The following HS3ST2 variants were observed in gnomAD, a reference collection of about 807,000 sequenced individuals.
HS3ST2 encodes heparan sulfate glucosamine 3-O-sulfotransferase 2.
Under a neutral mutation model 26.3 loss-of-function variants are expected in HS3ST2, and 17 were observed. The ratio of observed to expected loss-of-function variants is 0.65; its 90% CI spans 0.44 to 0.97. The LOEUF (loss-of-function observed/expected upper bound fraction) is 0.97. Among genes scored for constraint, HS3ST2 ranks in the 50% least tolerant of loss-of-function variants. HS3ST2 has a pLI of 0.00. For missense variants in HS3ST2, 402 were observed against 501.2 expected, an observed-to-expected ratio of 0.80 and a Z score of 1.89; for synonymous variants, 237 against 219.2, an observed-to-expected ratio of 1.08 and a Z score of -0.72.
chr16:22,886,679 C>G (rs150614571), intron 1 of HS3ST2, among the ~76,000 whole-genome samples: 19 of 152,226 alleles, frequency 1.2e-4, no homozygotes, highest in African/African-American at 4.1e-4. Context: ...ATTCAAGAAC[C>G]CCAAAAGGGA....
intron 1 of HS3ST2, among the ~76,000 whole-genome samples, chr16:22,819,536 G>A (rs1249042596): frequency 6.6e-6 from 1 of 152,144 alleles, no homozygotes; most frequent in Non-Finnish European, 1.5e-5. Flanking sequence ...GGTATGGCAG[G>A]GGAATGTGTG....
intron 1 of HS3ST2, among the ~76,000 whole-genome samples, chr16:22,884,165 C>T (rs761740984): frequency 2.0e-5 from 3 of 152,232 alleles, no homozygotes; most frequent in African/African-American, 7.2e-5. Context: ...CTGATACCTA[C>T]AGGGTGCTTG....
intron 1 of HS3ST2, among the ~76,000 whole-genome samples, chr16:22,841,205 G>A (rs983990793): frequency 1.3e-5 from 2 of 152,036 alleles, no homozygotes; most frequent in African/African-American, 4.8e-5. Flanking sequence ...GGGATTACAG[G>A]CACCCACCAG....
rs572536505 is a variant in HS3ST2, at chr16:22,851,455, C to T, written c.485+36360C>T. On this transcript the variant is annotated intron_variant, in intron 1 of 1. Coordinates refer to ENST00000261374, the MANE Select transcript of HS3ST2 (RefSeq NM_006043.2). The stretch of plus-strand genomic sequence containing the variant: ...ATAATTGGCAAAACTAGAATTAGAA[C>T]TTAGTCTTCTGATTCTAAGTTGATG... 2.6e-5 allele frequency among the ~76,000 whole-genome samples: 4 copies of T among 152,320 alleles called. No individual in the cohort carries two copies. In the South Asian group the frequency reaches 8.3e-4, roughly 32 times the overall value.
intron 1 of HS3ST2, among the ~76,000 whole-genome samples, chr16:22,891,065 G>GT (rs1316621394): frequency 6.6e-6 from 1 of 152,206 alleles, no homozygotes; most frequent in Non-Finnish European, 1.5e-5. Context: ...ATGTGCTATG[G>GT]TGAAATGCAT....
chr16:22,839,819 A>G (rs574604701), intron 1 of HS3ST2, among the ~76,000 whole-genome samples: 4 of 152,310 alleles, frequency 2.6e-5, no homozygotes, highest in Non-Finnish European at 5.9e-5. Context: ...AAATACATAT[A>G]TGCAACATTT....
intron 1 of HS3ST2, among the ~76,000 whole-genome samples, chr16:22,849,546 G>A (rs1288070419): frequency 1.3e-5 from 2 of 152,180 alleles, no homozygotes; most frequent in Non-Finnish European, 2.9e-5. Context: ...TGTGTTTCTT[G>A]CTCATGCTAC....
chr16:22,849,179 T>G (rs1437246509), intron 1 of HS3ST2, among the ~76,000 whole-genome samples: 3 of 152,148 alleles, frequency 2.0e-5, no homozygotes, highest in Admixed American at 2.0e-4. Flanking sequence ...GTAGACCCAC[T>G]CTCTGGCAGT....
At position 22,886,075 on chromosome 16, in the gene HS3ST2, A is replaced by G. The variant is rs559048965; in HGVS notation, c.486-28869A>G. On this transcript the variant is annotated intron_variant, in intron 1 of 1. Coordinates refer to ENST00000261374, the MANE Select transcript of HS3ST2 (RefSeq NM_006043.2). ...AACACACAGATTATCTTCTAAGCAA[A>G]GTAGCCCTGGAGGTTCATTTTCTTT... 2.0e-5 allele frequency among the ~76,000 whole-genome samples: 3 copies of G among 152,290 alleles called. No homozygotes were observed. In the South Asian group the frequency reaches 6.2e-4, roughly 32 times the overall value.
In HS3ST2 at chr16:22,814,796, C is replaced by T. The variant is rs1229267307; in HGVS notation, c.186C>T (p.Gly62=). 3.8e-6 allele frequency: 6 copies of T among 1,590,280 alleles called. 1 individual carries two copies. Among genetic ancestry groups the T allele is most frequent in the Non-Finnish European group, 3.4e-6 (4 of 1,170,054 alleles). ...GCTGCCTCCGCGGCCCCAGCGCGGG[C>T]GGCCAGAAACTTCTCCAGAAGTCCC... The part of the protein sequence containing the change: ...APRCLRGPSA[G]GQKLLQKSRP... Residue 62 remains glycine, a synonymous_variant, in exon 1 of 2, where the codon GGC becomes GGT. Coordinates refer to ENST00000261374, the MANE Select transcript of HS3ST2 (RefSeq NM_006043.2).
At chr16:22,888,446 G>A (rs1442775822) in intron 1 of HS3ST2, among the ~76,000 whole-genome samples, 2 of 145,444 alleles carry the variant, frequency 1.4e-5, no homozygotes, top group African/African-American at 5.1e-5. Context: ...GAGTGCAGTG[G>A]CACAATCTCA....
At chr16:22,870,908 A>G (rs1316208292) in intron 1 of HS3ST2, among the ~76,000 whole-genome samples, 3 of 152,218 alleles carry the variant, frequency 2.0e-5, no homozygotes, top group Non-Finnish European at 4.4e-5. Context: ...GTAACTTACA[A>G]TGGTTCAACT....
intron 1 of HS3ST2, among the ~76,000 whole-genome samples, chr16:22,828,466 A>C (rs1411729480): frequency 1.3e-5 from 2 of 152,186 alleles, no homozygotes; most frequent in African/African-American, 4.8e-5. Context: ...GAACATGATA[A>C]CACCTTCCTG....
intron 1 of HS3ST2, among the ~76,000 whole-genome samples, chr16:22,887,739 G>A (rs999367791): frequency 1.3e-5 from 2 of 151,260 alleles, no homozygotes; most frequent in African/African-American, 4.9e-5. Context: ...TTGAGGCCAG[G>A]AGTTTGAGAC....
chr16:22,815,100 G>A lies in HS3ST2; in HGVS notation c.485+5G>A. Reference sequence around the variant, plus strand: ...CCGCGGGCTGGATTGGTACAGGTAAGGACCAGGAGCTCCGCTCCGTGCGCC... The same window carrying A: ...CCGCGGGCTGGATTGGTACAGGTAAAGACCAGGAGCTCCGCTCCGTGCGCC... On this transcript the variant is annotated splice_donor_5th_base_variant and intron_variant, in intron 1 of 1. Coordinates refer to ENST00000261374, the MANE Select transcript of HS3ST2 (RefSeq NM_006043.2). 6.2e-7 allele frequency: 1 copy of A among 1,612,268 alleles called. No individual in the cohort carries two copies. Among genetic ancestry groups the A allele is most frequent in the Non-Finnish European group, 8.5e-7 (1 of 1,179,804 alleles).
rs566376382 is a variant in HS3ST2 at position 22,895,741 on chromosome 16, T to G, written c.486-19203T>G. Among the ~76,000 whole-genome samples, 5 of 152,270 alleles carry G rather than the reference T, an allele frequency of 3.3e-5. No individual in the cohort carries two copies. The East Asian group carries it at 9.7e-4, about 29-fold the overall frequency. ...TTTCTGCTTTCTTATCCCCTGTGTCTTTTGTTATATGGCCACACAATTTTC... is the reference window on the plus strand; with the variant it reads ...TTTCTGCTTTCTTATCCCCTGTGTCGTTTGTTATATGGCCACACAATTTTC... On this transcript the variant is annotated intron_variant, in intron 1 of 1. Coordinates refer to ENST00000261374, the MANE Select transcript of HS3ST2 (RefSeq NM_006043.2).
chr16:22,823,698 A>G (rs377967), intron 1 of HS3ST2, among the ~76,000 whole-genome samples: 21,658 of 151,572 alleles, frequency 0.14, 1,670 homozygotes, highest in East Asian at 0.22. Flanking sequence ...GACATGGGAG[A>G]TTCACTTGAG....
At chr16:22,885,075 A>G (rs1902042809) in intron 1 of HS3ST2, among the ~76,000 whole-genome samples, 1 of 151,934 alleles carries the variant, frequency 6.6e-6, no homozygotes, top group African/African-American at 2.4e-5. Context: ...TCCTGACCTC[A>G]AGTGACCCAC....
At chr16:22,888,393 C>CTT (rs752179930) in intron 1 of HS3ST2, among the ~76,000 whole-genome samples, 22 of 91,416 alleles carry the variant, frequency 2.4e-4, no homozygotes, top group Non-Finnish European at 3.1e-4. Flanking sequence ...TTTTTTTTTT[C>CTT]TTTTTTTTTT....
Sources: gnomAD v4.1 joint callset for allele counts (sites outside exome capture counted in the v4.1 genomes callset) on GRCh38, gnomAD v4.1.1 for gene constraint, MANE v1.5 for transcripts, NCBI Gene and HGNC (gene_info 2026-07-23, HGNC 2026-07-21) for gene names.